Variants in MASP1 observed in about 807,000 individuals in gnomAD.
The protein encoded by MASP1 is mannan-binding lectin serine protease 1.
MASP1 carries 59 observed loss-of-function variants against 77.1 expected under a neutral mutation model. The observed-to-expected ratio is 0.77, with a 90% CI of 0.62 to 0.95. MASP1 has a LOEUF of 0.95. Ranked by LOEUF, MASP1 falls within the 40% of genes least tolerant of loss-of-function variation. The pLI is 0.00. For missense variants in MASP1, 885 were observed against 912.9 expected (o/e 0.97, Z 0.39); for synonymous variants, 362 against 354.5 (o/e 1.02, Z -0.24).
In MASP1 at chr3:187,225,077, T is replaced by G. The variant is rs535889108; in HGVS notation, c.1741+247A>C. Among the ~76,000 whole-genome samples the G allele has an allele frequency of 1.8e-3, 268 of 152,366 alleles. 2 individuals carry two copies. The highest frequency in any genetic ancestry group is 6.1e-3 in the African/African-American group (254 of 41,588). ...CCAGTGCCCTATATTAAATTCTCTC[T>G]GTTACGATAACTAGTCTAGTTTTTG... is the stretch of plus-strand genomic sequence containing the variant. On this transcript the variant is annotated intron_variant, in intron 13 of 15. Transcript: ENST00000337774.
chr3:187,262,365 G>A (rs1715654969), intron 3 of MASP1, among the ~76,000 whole-genome samples, 178 bp downstream of exon 3: 1 of 152,188 alleles, frequency 6.6e-6, no homozygotes, highest in Admixed American at 6.5e-5. Context: ...TGAATTGCTG[G>A]ATGGATAGAG....
chr3:187,286,828 A>C (rs1469104942), intron 1 of MASP1, among the ~76,000 whole-genome samples: 1 of 152,098 alleles, frequency 6.6e-6, no homozygotes, highest in African/African-American at 2.4e-5. Context: ...CCTTGAACTT[A>C]ATGGGCCCAA....
In MASP1 at chr3:187,286,173, T is replaced by C. The variant is rs894730035; in HGVS notation, c.6-117A>G. 4 of 822,550 alleles carry C rather than the reference T, an allele frequency of 4.9e-6. No individual in the cohort carries two copies. The African/African-American group carries it at 6.7e-5, about 14-fold the overall frequency. 51.0% of individuals were successfully genotyped at this position (822,550 alleles called of 1,614,324 possible). On this transcript the variant is annotated intron_variant, in intron 1 of 10. Coordinates refer to ENST00000296280, the MANE Select transcript of MASP1 (RefSeq NM_139125.4). ...TGTCTCTGTCTCTGGCCTGCCGTAA[T>C]TAGCTTTCCCCTTCTGACCTTGCCT... is the stretch of plus-strand genomic sequence containing the variant.
At position 187,262,852 on chromosome 3, in the gene MASP1, G is replaced by A. The variant is rs928042920; in HGVS notation, c.238-132C>T. On this transcript the variant is annotated intron_variant, in intron 2 of 10. Transcript: ENST00000296280. Reference sequence around the variant, plus strand: ...AGCCTGAGAAACCCAAAGAAAGGAGGTTAAGGATTCTTGAGAAAAGACGCA... The same window carrying A: ...AGCCTGAGAAACCCAAAGAAAGGAGATTAAGGATTCTTGAGAAAAGACGCA... 5.4e-6 allele frequency: 4 copies of A among 739,420 alleles called. No homozygotes were observed. The African/African-American group carries it at 7.1e-5, about 13-fold the overall frequency. 45.8% of individuals were successfully genotyped at this position (739,420 alleles called of 1,614,324 possible). A position where few individuals can be genotyped will look rare whatever the true frequency, so the allele number is the denominator to read the frequency against.
chr3:187,229,484 G>A (rs906198922), downstream of MASP1, among the ~76,000 whole-genome samples: 4 of 152,126 alleles, frequency 2.6e-5, no homozygotes, highest in African/African-American at 9.7e-5. Flanking sequence ...ATTCCCAAGG[G>A]TGAGTTTCCT....
intron 2 of MASP1, among the ~76,000 whole-genome samples, chr3:187,283,126 G>A (rs1717570740): frequency 6.6e-6 from 1 of 152,024 alleles, no homozygotes; most frequent in Admixed American, 6.5e-5. Flanking sequence ...GGACCATGCT[G>A]CCCCTTCCAG....
chr3:187,279,609 C>T (rs1314958535), intron 2 of MASP1, among the ~76,000 whole-genome samples: 1 of 152,160 alleles, frequency 6.6e-6, no homozygotes, highest in African/African-American at 2.4e-5. Flanking sequence ...CTCAGTTGAC[C>T]CTCAGATAAC....
chr3:187,257,013 A>G (rs1579528854), intron 4 of MASP1, among the ~76,000 whole-genome samples, 153 bp from the exon 5 acceptor site: 1 of 152,078 alleles, frequency 6.6e-6, no homozygotes, highest in Non-Finnish European at 1.5e-5. Context: ...AATGAAGCTC[A>G]AGGTCGCATG....
intron 3 of MASP1, 34 bp from the exon 4 acceptor site, chr3:187,260,906 T>C: frequency 6.2e-7 from 1 of 1,613,582 alleles, no homozygotes. Context: ...CATCAATACA[T>C]GCATGATGAT....
At chr3:187,224,079 A>G (rs1328670833) in intron 13 of MASP1, among the ~76,000 whole-genome samples, 1 of 152,208 alleles carries the variant, frequency 6.6e-6, no homozygotes, top group East Asian at 1.9e-4. Context: ...TACTCCTCAG[A>G]TTACATCTCA....
At chr3:187,252,803 T>G (rs1045207101) in intron 6 of MASP1, among the ~76,000 whole-genome samples, 2 of 152,166 alleles carry the variant, frequency 1.3e-5, no homozygotes, top group Non-Finnish European at 2.9e-5. Context: ...CACATCCAAA[T>G]TCTAGCCCTA....
chr3:187,248,202 T>C (rs375690421), intron 8 of MASP1, among the ~76,000 whole-genome samples: 8 of 152,212 alleles, frequency 5.3e-5, no homozygotes, highest in African/African-American at 1.2e-4. Context: ...TACTACAAAA[T>C]GACAGGGTGT....
chr3:187,277,384 C>T (rs1001193511), intron 2 of MASP1, among the ~76,000 whole-genome samples: 1 of 152,140 alleles, frequency 6.6e-6, no homozygotes, highest in Non-Finnish European at 1.5e-5. Context: ...GATACAAGCA[C>T]TTGCAGATTC....
intron 2 of MASP1, among the ~76,000 whole-genome samples, chr3:187,272,935 CTATTTA>C (rs1322603502): frequency 6.6e-6 from 1 of 152,104 alleles, no homozygotes; most frequent in Non-Finnish European, 1.5e-5. Flanking sequence ...GAAAATAATC[CTATTTA>C]TATTACAGAA....
At chr3:187,252,153 T>A (rs938493839) in intron 6 of MASP1, among the ~76,000 whole-genome samples, 1 of 152,094 alleles carries the variant, frequency 6.6e-6, no homozygotes, top group Non-Finnish European at 1.5e-5. Context: ...CCTGCATCTT[T>A]CCTCCCTCAG....
At chr3:187,288,375 T>G (rs1168222277) in intron 1 of MASP1, among the ~76,000 whole-genome samples, 2 of 152,122 alleles carry the variant, frequency 1.3e-5, no homozygotes, top group Non-Finnish European at 2.9e-5. Context: ...GGGCTGGGAG[T>G]TCAGGTTCAG....
At chr3:187,228,302 A>C (rs955381319) in intron 11 of MASP1, among the ~76,000 whole-genome samples, 21 of 151,902 alleles carry the variant, frequency 1.4e-4, no homozygotes, top group African/African-American at 4.8e-4. Flanking sequence ...AAAAAAAAAA[A>C]ATCAAGGTTT....
intron 4 of MASP1, among the ~76,000 whole-genome samples, chr3:187,259,336 T>C (rs910907485): frequency 6.6e-6 from 1 of 152,182 alleles, no homozygotes; most frequent in Non-Finnish European, 1.5e-5. Flanking sequence ...TCCTGACTGT[T>C]TTCATTTTTT....
Position 187,235,882 on chromosome 3 carries a change from A to G in MASP1, c.1989T>C (p.Asp663=). The G allele has an allele frequency of 6.2e-7, 1 of 1,614,246 alleles. No homozygotes were observed. The highest frequency in any genetic ancestry group is 8.5e-7 in the Non-Finnish European group (1 of 1,180,044). ...YEGGKDTCLG[D]SGGAFVIFDD... The stretch of plus-strand genomic sequence containing the variant: ...CAAAGATGACAAAGGCCCCACCGCT[A>G]TCTCCAAGGCACGTGTCTTTGCCGC... Residue 663 remains aspartate, a synonymous_variant, in exon 11 of 11, where the codon GAT becomes GAC. Transcript: ENST00000296280.
Sources: allele counts gnomAD v4.1 joint callset (sites outside exome capture counted in the v4.1 genomes callset), GRCh38; gene constraint gnomAD v4.1.1; transcripts MANE v1.5; gene names NCBI Gene and HGNC (gene_info 2026-07-23, HGNC 2026-07-21).